CCL28: variants seen among roughly 807,000 people sequenced by gnomAD.
CCL28 encodes the protein C-C motif chemokine 28.
Under a neutral mutation model 7.1 loss-of-function variants are expected in CCL28, and 4 were observed. The ratio of observed to expected loss-of-function variants is 0.56; its 90% CI spans 0.28 to 1.29. The LOEUF (loss-of-function observed/expected upper bound fraction) is 1.29, where lower values mean the gene tolerates loss of function less well. Among genes scored for constraint, CCL28 ranks in the 50% most tolerant of loss-of-function variants. The pLI is 0.11. For synonymous variants in CCL28, 55 were observed against 57.8 expected (o/e 0.95, Z 0.22); for missense variants, 151 against 163.4 (o/e 0.92, Z 0.41).
the CCL28 span, among the ~76,000 whole-genome samples, chr5:43,362,822 T>C: frequency 2.6e-5 from 4 of 152,164 alleles, no homozygotes; most frequent in African/African-American, 9.7e-5. Flanking sequence ...GAGGAGCTAT[T>C]TCTGATGTAA....
chr5:43,410,310 G>A (rs1191112544), intron 1 of CCL28, among the ~76,000 whole-genome samples: 1 of 152,208 alleles, frequency 6.6e-6, no homozygotes, highest in African/African-American at 2.4e-5. Flanking sequence ...AATAGCTGTG[G>A]CGTTGCCCCT....
chr5:43,377,764 G>T (rs539392780), downstream of CCL28, among the ~76,000 whole-genome samples: 4 of 100,514 alleles, frequency 4.0e-5, no homozygotes, highest in African/African-American at 1.6e-4. Context: ...ACGGAGTCTC[G>T]CTCTGTCGCC....
At chr5:43,406,801 T>C (rs1741300086) in intron 1 of CCL28, among the ~76,000 whole-genome samples, 1 of 152,198 alleles carries the variant, frequency 6.6e-6, no homozygotes, top group Admixed American at 6.5e-5. Context: ...AGTCTCAGGA[T>C]ACAAAATCAA....
At chr5:43,376,875 T>A (rs1183585323), downstream of CCL28, 1 of 152,230 alleles carries the variant, frequency 6.6e-6, no homozygotes, top group Non-Finnish European at 1.5e-5. Flanking sequence ...AGTAGTTTCA[T>A]CAGTATGCAG....
downstream of CCL28, among the ~76,000 whole-genome samples, chr5:43,374,732 G>A (rs1739850773): frequency 1.4e-5 from 2 of 147,766 alleles, no homozygotes; most frequent in South Asian, 4.3e-4. Context: ...AGTGAGCCGA[G>A]ATCGAGCCAC....
chr5:43,400,414 G>A (rs897939188), intron 1 of CCL28, among the ~76,000 whole-genome samples: 7 of 151,992 alleles, frequency 4.6e-5, no homozygotes, highest in Non-Finnish European at 1.0e-4. Context: ...TCGAACTCCT[G>A]GACTCAGGCT....
At chr5:43,405,071 C>T (rs1413574915) in intron 1 of CCL28, among the ~76,000 whole-genome samples, 1 of 152,050 alleles carries the variant, frequency 6.6e-6, no homozygotes, top group African/African-American at 2.4e-5. Flanking sequence ...ACTTTAACAC[C>T]CCACTGTCAA....
the CCL28 span, among the ~76,000 whole-genome samples, chr5:43,365,289 C>T: frequency 0.064 from 9,750 of 152,232 alleles, 438 homozygotes; most frequent in Non-Finnish European, 0.1. Flanking sequence ...AGGCATGAGC[C>T]ACTGTGCCCA....
intron 1 of CCL28, among the ~76,000 whole-genome samples, chr5:43,402,968 C>T (rs1171305730): frequency 6.6e-6 from 1 of 152,218 alleles, no homozygotes; most frequent in African/African-American, 2.4e-5. Context: ...GGGGGAAGGG[C>T]GTCTGCCATT....
the CCL28 span, among the ~76,000 whole-genome samples, chr5:43,357,769 G>A: frequency 2.0e-5 from 3 of 152,068 alleles, no homozygotes; most frequent in Admixed American, 2.0e-4. Context: ...TGAAACAGAA[G>A]CCAATTTCAT....
At chr5:43,378,155 C>A (rs1739964010), downstream of CCL28, among the ~76,000 whole-genome samples, 1 of 140,282 alleles carries the variant, frequency 7.1e-6, no homozygotes, top group Admixed American at 6.8e-5. Flanking sequence ...CCAGCCTGGG[C>A]AACATAGTGA....
intron 1 of CCL28, among the ~76,000 whole-genome samples, chr5:43,390,706 C>G (rs898148523): frequency 7.9e-5 from 12 of 152,222 alleles, no homozygotes; most frequent in Admixed American, 7.8e-4. Flanking sequence ...TGCAAGGGAT[C>G]ATCCCTCCTA....
rs1346002959 is a variant in CCL28 at position 43,381,695 on chromosome 5, T to C, written c.*165A>G. On this transcript the variant is annotated 3_prime_UTR_variant, in exon 3 of 3. Coordinates refer to ENST00000361115, the MANE Select transcript of CCL28 (RefSeq NM_148672.3). ...TTTCATTTCATTTTCCAGTTGAGTATATTATTGGCTACATTTGCATACCGC... is the reference window on the plus strand; with the variant it reads ...TTTCATTTCATTTTCCAGTTGAGTACATTATTGGCTACATTTGCATACCGC... 1 of 608,776 alleles carries C rather than the reference T, an allele frequency of 1.6e-6. No homozygotes were observed. Among genetic ancestry groups the C allele is most frequent in the Non-Finnish European group, 2.9e-6 (1 of 343,372 alleles). The allele number at this position is 608,776 out of a possible 1,614,324, so 37.7% of individuals were successfully genotyped here.
At chr5:43,377,773 C>T (rs1434434661), downstream of CCL28, among the ~76,000 whole-genome samples, 1 of 111,892 alleles carries the variant, frequency 8.9e-6, no homozygotes, top group Non-Finnish European at 1.7e-5. Context: ...CGCTCTGTCG[C>T]CCAGGCTGGA....
chr5:43,363,074 G>C, the CCL28 span, among the ~76,000 whole-genome samples: 2 of 152,122 alleles, frequency 1.3e-5, no homozygotes, highest in South Asian at 2.1e-4. Context: ...ACAAGAACTA[G>C]AGTATTTCCT....
chr5:43,378,337 C>A (rs1739969679), downstream of CCL28, among the ~76,000 whole-genome samples: 1 of 151,590 alleles, frequency 6.6e-6, no homozygotes, highest in South Asian at 2.1e-4. Context: ...GGCAACAGAG[C>A]AAGACCCTGT....
intron 1 of CCL28, among the ~76,000 whole-genome samples, chr5:43,391,659 G>C (rs1740578788): frequency 6.6e-6 from 1 of 152,066 alleles, no homozygotes. Context: ...ACTGTTTCCA[G>C]TACTTTACTG....
chr5:43,398,018 T>C (rs1437165687), intron 1 of CCL28, among the ~76,000 whole-genome samples: 1 of 152,220 alleles, frequency 6.6e-6, no homozygotes, highest in African/African-American at 2.4e-5. Context: ...CAATATCTAG[T>C]ACCGACATGT....
intron 2 of CCL28, among the ~76,000 whole-genome samples, chr5:43,382,514 CT>C (rs1207000736): frequency 2.0e-5 from 3 of 152,156 alleles, no homozygotes; most frequent in African/African-American, 7.2e-5. Flanking sequence ...TAGATGCCGT[CT>C]TTTTTCCCCT....
Sources: allele counts gnomAD v4.1 joint callset (sites outside exome capture counted in the v4.1 genomes callset), GRCh38; gene constraint gnomAD v4.1.1; transcripts MANE v1.5; gene names NCBI Gene and HGNC (gene_info 2026-07-23, HGNC 2026-07-21).